The following GJA8 variants were observed in gnomAD, a reference collection of about 807,000 sequenced individuals.
The protein encoded by GJA8 is gap junction alpha-8 protein.
A neutral mutation model predicts 15.3 loss-of-function variants in GJA8; 13 were observed. That is an observed-to-expected ratio of 0.85 (90% CI 0.55 to 1.35). GJA8 has a LOEUF of 1.35. GJA8 is among the 40% of genes most tolerant of loss of function. The pLI, the probability that GJA8 is intolerant of heterozygous loss-of-function variation, is 0.00. For missense variants in GJA8, 607 were observed against 553.3 expected (o/e 1.10, Z -0.97); for synonymous variants, 304 against 238.7 (o/e 1.27, Z -2.52).
rs1385155890 is a variant in GJA8, at chr1:147,902,850, C to T, written c.-23C>T. ...AGAGCACATATTTCTCCGTGGGACA[C>T]TCCTTGTATTGGCAAGTTTTCCTTG... is the stretch of plus-strand genomic sequence containing the variant. On this transcript the variant is annotated 5_prime_UTR_variant, in exon 1 of 2. Transcript: ENST00000369235. Among the ~76,000 whole-genome samples, 1 of 152,200 alleles carries T rather than the reference C, an allele frequency of 6.6e-6. No individual in the cohort carries two copies. The highest frequency in any genetic ancestry group is 2.4e-5 in the African/African-American group (1 of 41,448).
At chr1:147,909,791 AGCT>A (rs782631300), downstream of GJA8, among the ~76,000 whole-genome samples, 43 of 152,344 alleles carry the variant, frequency 2.8e-4, no homozygotes, top group Non-Finnish European at 5.6e-4. Flanking sequence ...AAGCAGGGGC[AGCT>A]GCTGCTCACT....
intron 1 of GJA8, among the ~76,000 whole-genome samples, chr1:147,904,951 G>A (rs1227973839): frequency 2.0e-5 from 3 of 152,136 alleles, no homozygotes; most frequent in Non-Finnish European, 2.9e-5. Flanking sequence ...GGTCAGGAAC[G>A]ACTTCTTGTG....
chr1:147,904,495 C>T (rs587631947), intron 1 of GJA8, among the ~76,000 whole-genome samples: 1 of 152,280 alleles, frequency 6.6e-6, no homozygotes, highest in South Asian at 2.1e-4. Context: ...CATATATGGA[C>T]ACCCTGGGGT....
chr1:147,909,289 A>G, downstream of GJA8: 1 of 1,400,430 alleles, frequency 7.1e-7, no homozygotes, highest in Non-Finnish European at 1.0e-6. Flanking sequence ...AAAAACGCCC[A>G]AGCTTACGTA....
chr1:147,907,465 C>T (rs782472710), intron 1 of GJA8, among the ~76,000 whole-genome samples: 6 of 152,226 alleles, frequency 3.9e-5, no homozygotes, highest in African/African-American at 4.8e-5. Flanking sequence ...CATAAGATGG[C>T]CACAGACAAT....
At chr1:147,903,283 C>T (rs776909473) in intron 1 of GJA8, among the ~76,000 whole-genome samples, 4 of 152,168 alleles carry the variant, frequency 2.6e-5, no homozygotes, top group Non-Finnish European at 4.4e-5. Flanking sequence ...GCGGAGGCTT[C>T]GTGCTCAGCA....
chr1:147,903,298 C>G (rs1553241862), intron 1 of GJA8, among the ~76,000 whole-genome samples: 1 of 152,076 alleles, frequency 6.6e-6, no homozygotes. Flanking sequence ...TCAGCATTTT[C>G]CATGTTGGAG....
chr1:147,912,036 C>A (rs587704236), downstream of GJA8, among the ~76,000 whole-genome samples: 13 of 152,300 alleles, frequency 8.5e-5, no homozygotes, highest in South Asian at 2.5e-3. Context: ...ACACAGGCAT[C>A]AAGGGGCTGC....
In GJA8 at chr1:147,908,949, G is replaced by A. The variant is rs143688085; in HGVS notation, c.994G>A (p.Glu332Lys). 5.3e-4 allele frequency: 844 copies of A among 1,607,054 alleles called. No homozygotes were observed. The highest frequency in any genetic ancestry group is 6.8e-4 in the Non-Finnish European group (797 of 1,175,536). The stretch of plus-strand genomic sequence containing the variant: ...CGCTCAGGTGGGGGCACAAGAAGTG[G>A]AGGGCGAGGGGCCGCCTGCAGAGGA... ...SYAQVGAQEV[E>K]GEGPPAEEGA... The change falls in exon 2 of 2, where the codon GAG becomes AAG. Residue 332 changes from glutamate (E) to lysine (K), a missense_variant. Coordinates refer to ENST00000369235, the MANE Select transcript of GJA8 (RefSeq NM_005267.5).
downstream of GJA8, among the ~76,000 whole-genome samples, chr1:147,912,373 C>G (rs1652197589): frequency 6.6e-6 from 1 of 152,184 alleles, no homozygotes. Flanking sequence ...AGATTCAAAA[C>G]AGAATTTAAC....
downstream of GJA8, among the ~76,000 whole-genome samples, chr1:147,913,507 C>A (rs372900889): frequency 6.6e-6 from 1 of 152,138 alleles, no homozygotes; most frequent in East Asian, 1.9e-4. Context: ...TATGGAGAAG[C>A]GTCAACCCCT....
chr1:147,913,731 C>T (rs1652272070), downstream of GJA8, among the ~76,000 whole-genome samples: 4 of 152,316 alleles, frequency 2.6e-5, no homozygotes, highest in South Asian at 8.3e-4. Context: ...CCCCAGCCTC[C>T]TCTTCTCTCC....
At chr1:147,903,408 G>A (rs1288341577) in intron 1 of GJA8, among the ~76,000 whole-genome samples, 1 of 152,184 alleles carries the variant, frequency 6.6e-6, no homozygotes, top group Admixed American at 6.5e-5. Context: ...GCTAGTGGCT[G>A]TTCTAGAAAC....
chr1:147,912,559 A>C (rs1553243591), downstream of GJA8, among the ~76,000 whole-genome samples: 1 of 152,202 alleles, frequency 6.6e-6, no homozygotes, highest in Non-Finnish European at 1.5e-5. Context: ...CTAGGCAGCT[A>C]CACCACTCAG....
At position 147,908,354 on chromosome 1, in the gene GJA8, C is replaced by T. The variant is rs782558352; in HGVS notation, c.399C>T (p.Ser133=). The change falls in exon 2 of 2, where the codon AGC becomes AGT. Residue 133 remains serine, a synonymous_variant. Transcript: ENST00000369235. Reference sequence around the variant, plus strand: ...ACCAGGGCAGCGTCAAGAAGAGCAGCGGCAGCAAAGGCACTAAGAAGTTCC... The same window carrying T: ...ACCAGGGCAGCGTCAAGAAGAGCAGTGGCAGCAAAGGCACTAAGAAGTTCC... ...GPDQGSVKKS[S]GSKGTKKFRL... 1.9e-6 allele frequency: 3 copies of T among 1,614,052 alleles called. No individual in the cohort carries two copies. Among genetic ancestry groups the T allele is most frequent in the East Asian group, 2.2e-5 (1 of 44,886 alleles).
downstream of GJA8, among the ~76,000 whole-genome samples, chr1:147,913,473 G>A (rs149305167): frequency 6.6e-6 from 1 of 152,284 alleles, no homozygotes; most frequent in African/African-American, 2.4e-5. Context: ...GGTGCTAAAG[G>A]TACTCGGCTT....
chr1:147,913,651 G>A (rs782144370), downstream of GJA8, among the ~76,000 whole-genome samples: 7 of 152,120 alleles, frequency 4.6e-5, no homozygotes, highest in South Asian at 2.1e-4. Context: ...TCCAGTTCCC[G>A]AGAAGGGTCA....
chr1:147,907,391 A>G (rs1553242408), intron 1 of GJA8, among the ~76,000 whole-genome samples: 1 of 152,220 alleles, frequency 6.6e-6, no homozygotes, highest in Non-Finnish European at 1.5e-5. Context: ...TTGGTATTCA[A>G]TAAATGCTAA....
downstream of GJA8, among the ~76,000 whole-genome samples, chr1:147,913,256 C>T (rs1255012606): frequency 3.3e-5 from 5 of 152,078 alleles, no homozygotes; most frequent in Admixed American, 1.3e-4. Flanking sequence ...TTTTGTAAGA[C>T]CATATTGTAA....
Sources: allele counts gnomAD v4.1 joint callset (sites outside exome capture counted in the v4.1 genomes callset), GRCh38; gene constraint gnomAD v4.1.1; transcripts MANE v1.5; gene names NCBI Gene and HGNC (gene_info 2026-07-23, HGNC 2026-07-21).